The following DSCAML1 variants were observed in gnomAD, a reference collection of about 807,000 sequenced individuals.
DSCAML1 encodes the protein DS cell adhesion molecule like 1.
A neutral mutation model predicts 200.5 loss-of-function variants in DSCAML1; 38 were observed. The observed-to-expected ratio is 0.19, with a 90% CI of 0.15 to 0.25. The LOEUF is 0.25. Among genes scored for constraint, DSCAML1 ranks in the 10% least tolerant of loss-of-function variants. The pLI is 1.00. For synonymous variants in DSCAML1, 1,215 were observed against 1,165.0 expected, an observed-to-expected ratio of 1.04 and a Z score of -0.87; for missense variants, 2,223 against 2,858.8, an observed-to-expected ratio of 0.78 and a Z score of 5.07.
Position 117,504,867 on chromosome 11 carries a change from A to G in DSCAML1, c.2182+57T>C. 2 of 1,553,336 alleles carry G rather than the reference A, an allele frequency of 1.3e-6. No homozygotes were observed. Among genetic ancestry groups the G allele is most frequent in the Non-Finnish European group, 1.7e-6 (2 of 1,144,940 alleles). On this transcript the variant is annotated intron_variant, in intron 10 of 32. Transcript: ENST00000651296. The surrounding 1 kb of genome is among the most constrained non-coding windows in gnomAD (Gnocchi z 5.0). ...GGAACAGGTTCAAATCCCACAGAGC[A>G]TCCTCCGTTCCCCGTCCCTGCCCTT...
At chr11:117,542,562 G>T (rs538083685) in intron 3 of DSCAML1, among the ~76,000 whole-genome samples, 65 of 152,254 alleles carry the variant, frequency 4.3e-4, no homozygotes, top group African/African-American at 1.5e-3. Context: ...AACTCTTTTA[G>T]GTACCTCTCT....
intron 3 of DSCAML1, among the ~76,000 whole-genome samples, chr11:117,626,679 A>G (rs569380834): frequency 3.9e-4 from 60 of 152,226 alleles, no homozygotes; most frequent in Non-Finnish European, 7.2e-4. Context: ...TCTATGCAGG[A>G]GGCGCTTATT....
intron 20 of DSCAML1, among the ~76,000 whole-genome samples, chr11:117,449,680 GC>G (rs2048247963): frequency 6.6e-6 from 1 of 152,110 alleles, no homozygotes; most frequent in Non-Finnish European, 1.5e-5. Flanking sequence ...CAGTACTCCT[GC>G]CCCTCTAGTG....
intron 1 of DSCAML1, among the ~76,000 whole-genome samples, chr11:117,785,465 T>C (rs754731293): frequency 1.3e-5 from 2 of 151,848 alleles, no homozygotes; most frequent in Non-Finnish European, 2.9e-5. Flanking sequence ...GTGGAAACCT[T>C]GCAGGCTGGA....
rs1465039169 is a variant in DSCAML1, at chr11:117,480,392, C to T, written c.2785+51G>A. On this transcript the variant is annotated intron_variant, in intron 14 of 32. Coordinates refer to ENST00000651296, the MANE Select transcript of DSCAML1 (RefSeq NM_020693.4). The surrounding 1 kb of genome is among the most constrained non-coding windows in gnomAD (Gnocchi z 4.1). ...CAGAGGGCACAGGCAGGACACGTGG[C>T]ACAAGGGGCCATGGCAGGCCACGCT... 7 of 1,606,978 alleles carry T rather than the reference C, an allele frequency of 4.4e-6. No individual in the cohort carries two copies. The highest frequency in any genetic ancestry group is 1.7e-4 in the Middle Eastern group (1 of 6,042).
intron 21 of DSCAML1, among the ~76,000 whole-genome samples, chr11:117,443,671 A>G (rs2048116106): frequency 6.6e-6 from 1 of 152,224 alleles, no homozygotes; most frequent in Non-Finnish European, 1.5e-5. Flanking sequence ...GCCCCAGGCA[A>G]GAGCCGGAGG....
Position 117,439,449 on chromosome 11 carries a change from G to T in DSCAML1, c.3981-20C>A, listed in dbSNP as rs773400669. ...TCTTCACTGCCAGGGGCGAGGATGG[G>T]GCGGGTGGGTCATGTCAAGCACCCC... On this transcript the variant is annotated intron_variant, in intron 22 of 32. Coordinates refer to ENST00000651296, the MANE Select transcript of DSCAML1 (RefSeq NM_020693.4). 6.2e-7 allele frequency: 1 copy of T among 1,606,050 alleles called. No individual in the cohort carries two copies. Among genetic ancestry groups the T allele is most frequent in the Non-Finnish European group, 8.5e-7 (1 of 1,176,426 alleles).
chr11:117,709,204 G>A (rs771776981), intron 3 of DSCAML1, among the ~76,000 whole-genome samples: 2 of 152,222 alleles, frequency 1.3e-5, no homozygotes, highest in African/African-American at 2.4e-5. Flanking sequence ...GTGTGCATGG[G>A]CTGCCATGAC....
At chr11:117,740,312 C>A (rs2054398492) in intron 3 of DSCAML1, among the ~76,000 whole-genome samples, 1 of 152,104 alleles carries the variant, frequency 6.6e-6, no homozygotes, top group South Asian at 2.1e-4. Flanking sequence ...GTAATTTGGA[C>A]CTTGGTCTGA....
chr11:117,709,696 T>C (rs898578005), intron 3 of DSCAML1: 3 of 455,144 alleles, frequency 6.6e-6, no homozygotes, highest in Non-Finnish European at 1.3e-5. Flanking sequence ...CTGGTTTCAC[T>C]GGCTTTGGGC....
chr11:117,548,560 A>G (rs2050418581), intron 3 of DSCAML1, among the ~76,000 whole-genome samples: 1 of 152,226 alleles, frequency 6.6e-6, no homozygotes, highest in African/African-American at 2.4e-5. Context: ...GAGGGCCTCA[A>G]GTTCCACATT....
chr11:117,569,064 C>T (rs922688766), intron 3 of DSCAML1, among the ~76,000 whole-genome samples: 57 of 152,176 alleles, frequency 3.7e-4, no homozygotes, highest in African/African-American at 1.2e-3. Flanking sequence ...GAAATAACGC[C>T]GCATATCTAC....
intron 32 of DSCAML1, among the ~76,000 whole-genome samples, chr11:117,429,705 G>A (rs2047744838): frequency 6.6e-6 from 1 of 152,150 alleles, no homozygotes; most frequent in South Asian, 2.1e-4. Flanking sequence ...GCCTCCATGT[G>A]ACTTGCTTCT....
At chr11:117,736,447 A>G (rs77600218) in intron 3 of DSCAML1, among the ~76,000 whole-genome samples, 1,887 of 152,296 alleles carry the variant, frequency 0.012, 41 homozygotes, top group African/African-American at 0.041. Flanking sequence ...AAATGACATC[A>G]TCACCTCCAT....
chr11:117,664,153 G>C lies in DSCAML1; in HGVS notation c.511+112638C>G, dbSNP rs532036905. Among the ~76,000 whole-genome samples the C allele has an allele frequency of 1.8e-4, 27 of 152,336 alleles. No individual in the cohort carries two copies. The South Asian group carries it at 3.1e-3, about 18-fold the overall frequency. ...GGGATCAGGACTCTCAGTCCAGAGA[G>C]GAATGGTGGCAGCGTTTCAGACAAA... On this transcript the variant is annotated intron_variant, in intron 3 of 32. Coordinates refer to ENST00000651296, the MANE Select transcript of DSCAML1 (RefSeq NM_020693.4).
At chr11:117,747,312 G>A (rs148639666) in intron 3 of DSCAML1, among the ~76,000 whole-genome samples, 117 of 152,280 alleles carry the variant, frequency 7.7e-4, no homozygotes, top group Admixed American at 1.6e-3. Flanking sequence ...TAAGCCTTGG[G>A]AGCGGGTTTC....
rs77418609 is a variant in DSCAML1, at chr11:117,505,212, G to A, written c.2063-169C>T. 0.011 allele frequency among the ~76,000 whole-genome samples: 1,671 copies of A among 152,318 alleles called. 29 individuals carry two copies. The highest frequency in any genetic ancestry group is 0.037 in the African/African-American group (1,520 of 41,556). Reference sequence around the variant, plus strand: ...GAGAACTTTTGTTGAGTACTGGGTAGGGACTTGGGAGCTCTGAGTTCCAGT... The same window carrying A: ...GAGAACTTTTGTTGAGTACTGGGTAAGGACTTGGGAGCTCTGAGTTCCAGT... On this transcript the variant is annotated intron_variant, in intron 9 of 32. Coordinates refer to ENST00000651296, the MANE Select transcript of DSCAML1 (RefSeq NM_020693.4). This position sits in a 1 kb window ranked among gnomAD's most constrained non-coding sequence, Gnocchi z 6.7.
At chr11:117,702,212 GCTTTTAGGAAAAGTT>G (rs2053683041) in intron 3 of DSCAML1, among the ~76,000 whole-genome samples, 1 of 152,122 alleles carries the variant, frequency 6.6e-6, no homozygotes. Flanking sequence ...GGCCCACATT[GCTTTTAGGAAAAGTT>G]CAATCGATCT....
At chr11:117,609,032 AAAC>A (rs1272213411) in intron 3 of DSCAML1, among the ~76,000 whole-genome samples, 1,777 of 76,384 alleles carry the variant, frequency 0.023, 31 homozygotes, top group African/African-American at 0.082. Flanking sequence ...ACAAACAAAC[AAAC>A]AAAAAAAACA....
Sources: gnomAD v4.1 joint callset for allele counts (sites outside exome capture counted in the v4.1 genomes callset) on GRCh38, gnomAD v4.1.1 for gene constraint, Gnocchi (gnomAD v3.1) non-coding constraint, MANE v1.5 for transcripts, NCBI Gene and HGNC (gene_info 2026-07-23, HGNC 2026-07-21) for gene names.